KLHL1: variants seen among roughly 807,000 people sequenced by gnomAD.
KLHL1 encodes the protein kelch like family member 1.
KLHL1 carries 47 observed loss-of-function variants against 77.7 expected under a neutral mutation model. The observed-to-expected ratio is 0.60, with a 90% CI of 0.48 to 0.77. KLHL1 has a LOEUF of 0.77. KLHL1 is among the 30% of genes least tolerant of loss of function. The probability of loss-of-function intolerance (pLI) is 0.00; values close to 1 mark genes in which losing one functional copy is unlikely to be tolerated. For missense variants in KLHL1, 925 were observed against 910.8 expected, an observed-to-expected ratio of 1.02 and a Z score of -0.20; for synonymous variants, 360 against 325.2, an observed-to-expected ratio of 1.11 and a Z score of -1.15.
intron 10 of KLHL1, among the ~76,000 whole-genome samples, chr13:69,702,514 A>G (rs970124148): frequency 1.3e-5 from 2 of 151,662 alleles, no homozygotes; most frequent in African/African-American, 4.8e-5. Flanking sequence ...AAATTACATG[A>G]TATTATTTCA....
chr13:69,864,304 AAG>A (rs1321034626), intron 5 of KLHL1, among the ~76,000 whole-genome samples: 1 of 151,906 alleles, frequency 6.6e-6, no homozygotes, highest in Admixed American at 6.6e-5. Flanking sequence ...AAAATATTAT[AAG>A]AAAAATCATT....
chr13:69,837,253 T>A (rs999969648), intron 6 of KLHL1, among the ~76,000 whole-genome samples: 1 of 151,776 alleles, frequency 6.6e-6, no homozygotes, highest in Non-Finnish European at 1.5e-5. Context: ...CTTTTATGTA[T>A]GTGGGTGCTA....
chr13:69,867,810 C>T (rs970816145), intron 5 of KLHL1, among the ~76,000 whole-genome samples: 1 of 128,510 alleles, frequency 7.8e-6, no homozygotes, highest in African/African-American at 3.1e-5. Flanking sequence ...AATGAGAACA[C>T]GTGGACACAG....
intron 1 of KLHL1, among the ~76,000 whole-genome samples, chr13:70,089,085 G>C (rs1457324771): frequency 6.6e-6 from 1 of 152,186 alleles, no homozygotes; most frequent in African/African-American, 2.4e-5. Flanking sequence ...CACTTGCCTA[G>C]GAGGCCACAA....
intron 4 of KLHL1, among the ~76,000 whole-genome samples, chr13:69,888,297 G>A (rs1322154331): frequency 6.6e-6 from 1 of 152,020 alleles, no homozygotes; most frequent in African/African-American, 2.4e-5. Flanking sequence ...GGAATTTGGG[G>A]GGACACAAAT....
intron 3 of KLHL1, among the ~76,000 whole-genome samples, chr13:69,950,623 A>C (rs1438794012): frequency 6.6e-6 from 1 of 151,688 alleles, no homozygotes; most frequent in Non-Finnish European, 1.5e-5. Context: ...ATCTTCACTT[A>C]AGTAACATAA....
At chr13:70,087,227 T>C (rs1374501039) in intron 1 of KLHL1, among the ~76,000 whole-genome samples, 1 of 152,174 alleles carries the variant, frequency 6.6e-6, no homozygotes, top group Non-Finnish European at 1.5e-5. Flanking sequence ...TCTAGTTTTG[T>C]CAACTGTGTG....
chr13:70,000,967 T>C (rs912024086), intron 1 of KLHL1, among the ~76,000 whole-genome samples: 1 of 149,708 alleles, frequency 6.7e-6, no homozygotes, highest in African/African-American at 2.5e-5. Flanking sequence ...ATTAATAAGA[T>C]CAATGATGAC....
intron 5 of KLHL1, among the ~76,000 whole-genome samples, chr13:69,847,487 T>A (rs7318606): frequency 6.6e-6 from 1 of 151,074 alleles, no homozygotes; most frequent in African/African-American, 2.4e-5. Context: ...ATCTATACCT[T>A]TCATCTGGTC....
chr13:69,970,130 C>G (rs906499574), intron 2 of KLHL1, among the ~76,000 whole-genome samples: 1 of 152,062 alleles, frequency 6.6e-6, no homozygotes, highest in African/African-American at 2.4e-5. Context: ...CTACATTTTG[C>G]CTTGATGCTC....
intron 1 of KLHL1, among the ~76,000 whole-genome samples, chr13:69,988,927 T>C (rs542164756): frequency 6.6e-6 from 1 of 152,278 alleles, no homozygotes; most frequent in East Asian, 1.9e-4. Flanking sequence ...CTGTTTGTTC[T>C]GTTGATAGGT....
At chr13:69,777,919 A>G (rs1013284892) in intron 7 of KLHL1, among the ~76,000 whole-genome samples, 4 of 152,102 alleles carry the variant, frequency 2.6e-5, no homozygotes, top group East Asian at 3.8e-4. Context: ...TGCAGGAATA[A>G]CTTAACAAGT....
chr13:69,809,527 C>A (rs936847014), intron 6 of KLHL1, among the ~76,000 whole-genome samples: 6 of 151,992 alleles, frequency 3.9e-5, no homozygotes, highest in Non-Finnish European at 8.8e-5. Flanking sequence ...TAATCAGCAC[C>A]AGATCGGCTC....
chr13:69,804,940 A>T (rs990453205), intron 6 of KLHL1, among the ~76,000 whole-genome samples: 9 of 152,122 alleles, frequency 5.9e-5, no homozygotes, highest in Non-Finnish European at 1.0e-4. Flanking sequence ...AGCTTTAAAA[A>T]ACATCATTAT....
intron 6 of KLHL1, among the ~76,000 whole-genome samples, chr13:69,803,443 G>C (rs1430937351): frequency 6.6e-6 from 1 of 152,146 alleles, no homozygotes; most frequent in Non-Finnish European, 1.5e-5. Context: ...TGTAAAAAGA[G>C]TTAATTGCAA....
intron 1 of KLHL1, among the ~76,000 whole-genome samples, chr13:70,002,591 C>T (rs1885320834): frequency 6.6e-6 from 1 of 151,530 alleles, no homozygotes; most frequent in African/African-American, 2.4e-5. Flanking sequence ...ATACTTTAAT[C>T]TACAAATCCA....
chr13:69,713,030 A>G (rs113566934), intron 9 of KLHL1, among the ~76,000 whole-genome samples: 2 of 152,026 alleles, frequency 1.3e-5, no homozygotes, highest in South Asian at 2.1e-4. Flanking sequence ...AGATCTCACT[A>G]TGTCACCCAG....
At chr13:70,012,646 C>T (rs907271078) in intron 1 of KLHL1, among the ~76,000 whole-genome samples, 1 of 152,176 alleles carries the variant, frequency 6.6e-6, no homozygotes, top group South Asian at 2.1e-4. Flanking sequence ...CACTGTGGCT[C>T]ATGCCTGTAA....
At chr13:69,856,754 T>C (rs1461612101) in intron 5 of KLHL1, among the ~76,000 whole-genome samples, 2 of 152,094 alleles carry the variant, frequency 1.3e-5, no homozygotes, top group Non-Finnish European at 2.9e-5. Context: ...TAAACTACAA[T>C]GATAATTAAT....
Sources: allele counts gnomAD v4.1 joint callset (sites outside exome capture counted in the v4.1 genomes callset), GRCh38; gene constraint gnomAD v4.1.1; transcripts MANE v1.5; gene names NCBI Gene and HGNC (gene_info 2026-07-23, HGNC 2026-07-21).